Variants in CLMN observed in about 807,000 individuals in gnomAD.
The protein encoded by CLMN is calmin (calponin-like, transmembrane).
Under a neutral mutation model 92.7 loss-of-function variants are expected in CLMN, and 57 were observed. That is an observed-to-expected ratio of 0.61 (90% CI 0.50 to 0.77). The LOEUF (loss-of-function observed/expected upper bound fraction) is 0.77. CLMN is among the 30% of genes least tolerant of loss of function. The pLI, the probability that CLMN is intolerant of heterozygous loss-of-function variation, is 0.00. For synonymous variants in CLMN, 466 were observed against 470.6 expected (o/e 0.99, Z 0.13); for missense variants, 1,158 against 1,237.5 (o/e 0.94, Z 0.96).
At chr14:95,225,831 G>C (rs572932073) in intron 2 of CLMN, among the ~76,000 whole-genome samples, 1 of 152,312 alleles carries the variant, frequency 6.6e-6, no homozygotes, top group African/African-American at 2.4e-5. Flanking sequence ...TTCCTCTCTG[G>C]GCCTAGACCT....
intron 1 of CLMN, among the ~76,000 whole-genome samples, chr14:95,289,121 G>C (rs1047647297): frequency 2.0e-5 from 3 of 152,130 alleles, no homozygotes; most frequent in African/African-American, 7.2e-5. Flanking sequence ...CGGTGCCATG[G>C]GTGTGTGCAC....
chr14:95,268,554 A>G (rs1212523534), intron 1 of CLMN, among the ~76,000 whole-genome samples: 1 of 152,170 alleles, frequency 6.6e-6, no homozygotes, highest in Non-Finnish European at 1.5e-5. Context: ...AATCCTTTTG[A>G]TGGAACTTTC....
chr14:95,283,906 C>G (rs1900237108), intron 1 of CLMN, among the ~76,000 whole-genome samples: 3 of 152,178 alleles, frequency 2.0e-5, no homozygotes, highest in African/African-American at 7.2e-5. Flanking sequence ...CTGAAATTTG[C>G]ATAAGTAGCA....
chr14:95,228,127 G>C (rs1416365737), intron 2 of CLMN, among the ~76,000 whole-genome samples: 1 of 152,070 alleles, frequency 6.6e-6, no homozygotes, highest in Non-Finnish European at 1.5e-5. Context: ...TATTCACCAC[G>C]TGACCCTCTG....
Position 95,204,480 on chromosome 14 carries a change from A to C in CLMN, c.886-17T>G, listed in dbSNP as rs776728772. Reference sequence around the variant, plus strand: ...AATATCTTCCTGCAAAAAAAAACAAAAACAAACAAACAAAAAAAAACAAAA... The same window carrying C: ...AATATCTTCCTGCAAAAAAAAACAACAACAAACAAACAAAAAAAAACAAAA... On this transcript the variant is annotated splice_polypyrimidine_tract_variant and intron_variant, in intron 8 of 12. Transcript: ENST00000298912. The C allele has an allele frequency of 4.5e-6, 7 of 1,540,572 alleles. No homozygotes were observed. The South Asian group carries it at 8.8e-5, about 19-fold the overall frequency.
At position 95,215,739 on chromosome 14, in the gene CLMN, G is replaced by A; in HGVS notation, c.325-6C>T. 1 of 1,612,218 alleles carries A rather than the reference G, an allele frequency of 6.2e-7. No individual in the cohort carries two copies. Among genetic ancestry groups the A allele is most frequent in the Non-Finnish European group, 8.5e-7 (1 of 1,178,334 alleles). On this transcript the variant is annotated splice_polypyrimidine_tract_variant and splice_region_variant and intron_variant, in intron 4 of 12. Transcript: ENST00000298912. ...TCAATGCTAACCAGTTTTACCTGGA[G>A]GGAAGCAATTTATGAACTTAAAGCG... is the stretch of plus-strand genomic sequence containing the variant.
intron 1 of CLMN, among the ~76,000 whole-genome samples, chr14:95,242,412 C>G (rs577905160): frequency 5.3e-5 from 8 of 151,750 alleles, no homozygotes; most frequent in African/African-American, 1.9e-4. Context: ...GCATGCACCG[C>G]CATGCCTGGC....
chr14:95,199,574 A>T (rs1031401543), intron 9 of CLMN, among the ~76,000 whole-genome samples: 2 of 152,162 alleles, frequency 1.3e-5, no homozygotes, highest in African/African-American at 2.4e-5. Context: ...CCTGTCAGGC[A>T]CCGTGCTGGT....
chr14:95,319,852 G>T lies in CLMN; in HGVS notation c.-60C>A. On this transcript the variant is annotated 5_prime_UTR_variant, in exon 1 of 13. Coordinates refer to ENST00000298912, the MANE Select transcript of CLMN (RefSeq NM_024734.4). Reference sequence around the variant, plus strand: ...GCGGGCGGCGGGCGCGGAGAGCCTGGCTGGCGGGCGCGCGAGCGGCACGCA... The same window carrying T: ...GCGGGCGGCGGGCGCGGAGAGCCTGTCTGGCGGGCGCGCGAGCGGCACGCA... The T allele has an allele frequency of 9.9e-7, 1 of 1,014,068 alleles. No homozygotes were observed. The highest frequency in any genetic ancestry group is 1.2e-6 in the Non-Finnish European group (1 of 837,056). The allele number at this position is 1,014,068 out of a possible 1,614,324, so 62.8% of individuals were successfully genotyped here.
rs865887178 is a variant in CLMN, at chr14:95,203,672, G to A, written c.1677C>T (p.Ile559=). 6.2e-7 allele frequency: 1 copy of A among 1,614,028 alleles called. No individual in the cohort carries two copies. Among genetic ancestry groups the A allele is most frequent in the African/African-American group, 1.3e-5 (1 of 74,910 alleles). Residue 559 remains isoleucine (I), a synonymous_variant, in exon 9 of 13, where the codon ATC becomes ATT. Transcript: ENST00000298912. ...TGTTAAATTTTGAGGCTTTTAATGG[G>A]ATGGCTTCAAAATAGTCTCCCTCCT... ...ALEEGDYFEA[I]PLKASKFNSD...
intron 6 of CLMN, among the ~76,000 whole-genome samples, chr14:95,211,796 G>A (rs907290161): frequency 6.6e-6 from 1 of 152,114 alleles, no homozygotes; most frequent in Non-Finnish European, 1.5e-5. Context: ...ACCAGGGTGC[G>A]TTATCCAAAC....
chr14:95,257,880 G>C (rs1242927320), intron 1 of CLMN, among the ~76,000 whole-genome samples: 4 of 152,218 alleles, frequency 2.6e-5, no homozygotes, highest in Non-Finnish European at 4.4e-5. Flanking sequence ...GTTAAAGGAG[G>C]CCTCATTTCC....
At chr14:95,303,898 G>A (rs924761706) in intron 1 of CLMN, among the ~76,000 whole-genome samples, 1 of 152,198 alleles carries the variant, frequency 6.6e-6, no homozygotes, top group Non-Finnish European at 1.5e-5. Context: ...GAAACCTAGA[G>A]GAAAGGGATT....
At chr14:95,274,852 G>A (rs1030439904) in intron 1 of CLMN, among the ~76,000 whole-genome samples, 11 of 151,982 alleles carry the variant, frequency 7.2e-5, no homozygotes, top group African/African-American at 2.4e-4. Context: ...GGTGGCAGGC[G>A]CCTGTAGTCC....
At chr14:95,212,496 G>C (rs1897226584) in intron 6 of CLMN, among the ~76,000 whole-genome samples, 1 of 152,164 alleles carries the variant, frequency 6.6e-6, no homozygotes, top group Non-Finnish European at 1.5e-5. Flanking sequence ...CCGGAACTTG[G>C]CTCCAGTTCC....
chr14:95,239,121 A>G (rs1056612137), intron 1 of CLMN, among the ~76,000 whole-genome samples: 1 of 152,246 alleles, frequency 6.6e-6, no homozygotes, highest in African/African-American at 2.4e-5. Context: ...ACATTCACCC[A>G]GATGGGCAGG....
Position 95,247,778 on chromosome 14 carries a change from G to A in CLMN, c.83-17645C>T, listed in dbSNP as rs1898627356. On this transcript the variant is annotated intron_variant, in intron 1 of 12. Coordinates refer to ENST00000298912, the MANE Select transcript of CLMN (RefSeq NM_024734.4). ...GGGACTATGATTCTGGACTCCAACTGACTGGTCCTTCGAATCAAAGGGATG... is the reference window on the plus strand; with the variant it reads ...GGGACTATGATTCTGGACTCCAACTAACTGGTCCTTCGAATCAAAGGGATG... Among the ~76,000 whole-genome samples, 4 of 152,260 alleles carry A rather than the reference G, an allele frequency of 2.6e-5. No homozygotes were observed. The South Asian group carries it at 6.2e-4, about 24-fold the overall frequency.
At chr14:95,241,649 T>A (rs532761287) in intron 1 of CLMN, among the ~76,000 whole-genome samples, 1 of 152,282 alleles carries the variant, frequency 6.6e-6, no homozygotes, top group South Asian at 2.1e-4. Flanking sequence ...CAACATTTTG[T>A]GTTAATTAGC....
At chr14:95,230,617 C>T (rs898336763) in intron 1 of CLMN, among the ~76,000 whole-genome samples, 2 of 152,096 alleles carry the variant, frequency 1.3e-5, no homozygotes, top group Non-Finnish European at 2.9e-5. Context: ...ATTGGACAGC[C>T]CAAGATCAGA....
Sources: gnomAD v4.1 joint callset for allele counts (sites outside exome capture counted in the v4.1 genomes callset) on GRCh38, gnomAD v4.1.1 for gene constraint, MANE v1.5 for transcripts, NCBI Gene and HGNC (gene_info 2026-07-23, HGNC 2026-07-21) for gene names.